The following DNAI1 variants were observed in gnomAD, a reference collection of about 807,000 sequenced individuals.
The protein encoded by DNAI1 is dynein axonemal intermediate chain 1.
DNAI1 carries 67 observed loss-of-function variants against 92.0 expected under a neutral mutation model. The observed-to-expected ratio is 0.73, with a 90% CI of 0.60 to 0.89. The LOEUF (loss-of-function observed/expected upper bound fraction) is 0.89. Among genes scored for constraint, DNAI1 ranks in the 40% least tolerant of loss-of-function variants. The probability of loss-of-function intolerance (pLI) is 0.00; values close to 1 mark genes in which losing one functional copy is unlikely to be tolerated. For missense variants in DNAI1, 839 were observed against 866.6 expected (o/e 0.97, Z 0.40); for synonymous variants, 323 against 319.6 (o/e 1.01, Z -0.11).
chr9:34,492,493 G>GAGAGATATATATATAT (rs1271867592), intron 8 of DNAI1, among the ~76,000 whole-genome samples: 17 of 68,256 alleles, frequency 2.5e-4, no homozygotes, highest in South Asian at 1.4e-3. Context: ...GGGATATGAA[G>GAGAGATATATATATAT]ATATATATAT....
rs1291629888 is a variant in DNAI1 at position 34,497,174 on chromosome 9, G to T, written c.876G>T (p.Gln292His). The change falls in exon 10 of 20, where the codon CAG (glutamine) becomes CAT (histidine). Residue 292 changes from glutamine (Q) to histidine (H), a missense_variant. Transcript: ENST00000242317. The part of the protein sequence containing the change: ...AAKIMERMVN[Q>H]NTYDDIAQDF... ...AGATCATGGAGCGGATGGTCAACCA[G>T]AATACATATGATGACATTGCTCAAG... 2 of 1,613,964 alleles carry T rather than the reference G, an allele frequency of 1.2e-6. No individual in the cohort carries two copies. Among genetic ancestry groups the T allele is most frequent in the Admixed American group, 1.7e-5 (1 of 60,030 alleles).
intron 1 of DNAI1, among the ~76,000 whole-genome samples, chr9:34,470,993 A>G (rs1824124922): frequency 6.6e-6 from 1 of 152,264 alleles, no homozygotes; most frequent in South Asian, 2.1e-4. Context: ...AAATTAAAGA[A>G]TACTTCTGAA....
In DNAI1 at chr9:34,459,126, C is replaced by T. The variant is rs549925663; in HGVS notation, c.48+73C>T. The T allele has an allele frequency of 2.6e-5, 35 of 1,364,528 alleles. No homozygotes were observed. In the East Asian group the frequency reaches 7.6e-4, roughly 29 times the overall value. The allele number at this position is 1,364,528 out of a possible 1,614,324, so 84.5% of individuals were successfully genotyped here. A position where few individuals can be genotyped will look rare whatever the true frequency, so the allele number is the denominator to read the frequency against. ...GCCAGTGACCACTAATCATACCTCTCCTACTGATCCTTGATCTTTTCTCTG... is the reference window on the plus strand; with the variant it reads ...GCCAGTGACCACTAATCATACCTCTTCTACTGATCCTTGATCTTTTCTCTG... On this transcript the variant is annotated intron_variant, in intron 1 of 19. Transcript: ENST00000242317.
chr9:34,514,189 T>G (rs754848187), intron 16 of DNAI1, among the ~76,000 whole-genome samples: 6 of 152,124 alleles, frequency 3.9e-5, no homozygotes, highest in Non-Finnish European at 7.4e-5. Flanking sequence ...CCCCTGCCCA[T>G]CCTGAACCCC....
At chr9:34,489,980 G>T in intron 5 of DNAI1, 32 bp from the exon 6 acceptor site, 1 of 1,612,284 alleles carries the variant, frequency 6.2e-7, no homozygotes, top group Non-Finnish European at 8.5e-7. Flanking sequence ...AGCAGGCTTA[G>T]ACTTTGAACT....
intron 7 of DNAI1, 91 bp downstream of exon 7, chr9:34,490,579 G>A: frequency 1.9e-6 from 3 of 1,567,550 alleles, no homozygotes; most frequent in Non-Finnish European, 2.6e-6. Context: ...GCAGACCTCA[G>A]CCTGGCAGGG....
chr9:34,506,631 CTT>C lies in DNAI1; in HGVS notation c.1069_1070del (p.Phe357HisfsTer20). 1 of 1,614,178 alleles carries C rather than the reference CTT, an allele frequency of 6.2e-7. No homozygotes were observed. The highest frequency in any genetic ancestry group is 8.5e-7 in the Non-Finnish European group (1 of 1,180,030). ...LFAVGYGSYD[F>X]MKQSRGMLLL... ...CCGCCCATCTTCCCTGGGTAGATGA[CTT>C]CATGAAGCAGAGCCGGGGCATGCTG... On this transcript the variant is annotated frameshift_variant, in exon 13 of 20. Transcript: ENST00000242317. LOFTEE classifies it high-confidence loss of function.
intron 10 of DNAI1, among the ~76,000 whole-genome samples, chr9:34,498,234 G>A (rs1044969901): frequency 6.6e-6 from 1 of 152,202 alleles, no homozygotes; most frequent in African/African-American, 2.4e-5. Context: ...CTGTGTGTCA[G>A]GCATTGTGCT....
At chr9:34,460,587 G>GTTGAAGTTCGGCTTTACA (rs1009170781) in intron 1 of DNAI1, among the ~76,000 whole-genome samples, 7 of 152,300 alleles carry the variant, frequency 4.6e-5, no homozygotes, top group African/African-American at 1.7e-4. Flanking sequence ...TGGGCTTTAC[G>GTTGAAGTTCGGCTTTACA]TTGAAGTTCA....
intron 13 of DNAI1, among the ~76,000 whole-genome samples, chr9:34,510,405 C>T (rs966910234): frequency 5.5e-4 from 84 of 152,126 alleles, no homozygotes; most frequent in African/African-American, 1.8e-3. Context: ...GAAGGATGTA[C>T]GAGCAAGAGA....
intron 4 of DNAI1, among the ~76,000 whole-genome samples, chr9:34,486,889 G>A (rs1357477427): frequency 6.6e-6 from 1 of 152,150 alleles, no homozygotes; most frequent in Non-Finnish European, 1.5e-5. Flanking sequence ...GTGGTCTTTT[G>A]TGACTGGCTC....
At chr9:34,498,311 A>C (rs1316244642) in intron 10 of DNAI1, among the ~76,000 whole-genome samples, 1 of 152,236 alleles carries the variant, frequency 6.6e-6, no homozygotes, top group East Asian at 1.9e-4. Flanking sequence ...TACCATTATT[A>C]TCTCCATTTT....
At chr9:34,467,076 TC>T (rs2132041157) in intron 1 of DNAI1, among the ~76,000 whole-genome samples, 1 of 152,304 alleles carries the variant, frequency 6.6e-6, no homozygotes, top group South Asian at 2.1e-4. Flanking sequence ...TTTGCTCAGC[TC>T]CTCCAGTGGA....
Position 34,486,200 on chromosome 9 carries a change from C to T in DNAI1, c.261+683C>T, listed in dbSNP as rs1274832865. Among the ~76,000 whole-genome samples, 10 of 152,144 alleles carry T rather than the reference C, an allele frequency of 6.6e-5. No homozygotes were observed. The South Asian group carries it at 1.0e-3, about 16-fold the overall frequency. ...GAAGGGGTGCATATGTTTCCTATTT[C>T]GTTATTCTGAGACCCATTTGTTCCA... On this transcript the variant is annotated intron_variant, in intron 4 of 19. Coordinates refer to ENST00000242317, the MANE Select transcript of DNAI1 (RefSeq NM_012144.4).
chr9:34,493,578 G>A (rs951245645), intron 9 of DNAI1, among the ~76,000 whole-genome samples: 1 of 151,616 alleles, frequency 6.6e-6, no homozygotes, highest in African/African-American at 2.4e-5. Context: ...GAGCTAGAGG[G>A]TAACAGAAGA....
intron 1 of DNAI1, among the ~76,000 whole-genome samples, chr9:34,470,614 G>C (rs1247574920): frequency 6.6e-6 from 1 of 152,132 alleles, no homozygotes; most frequent in Non-Finnish European, 1.5e-5. Flanking sequence ...CAAGATGTAA[G>C]CATCAAAAAA....
At position 34,509,913 on chromosome 9, in the gene DNAI1, AAAG is replaced by A. The variant is rs1434369920; in HGVS notation, c.1312-2193_1312-2191del. On this transcript the variant is annotated intron_variant, in intron 13 of 19. Coordinates refer to ENST00000242317, the MANE Select transcript of DNAI1 (RefSeq NM_012144.4). ...AGACTCCGTCTCAAAAAAAAAAAAA[AAAG>A]AAAAAAAAGAAAAACAGGTTTGGCC... Among the ~76,000 whole-genome samples the A allele has an allele frequency of 2.6e-3, 392 of 151,806 alleles. 2 individuals are homozygous for A. Among genetic ancestry groups the A allele is most frequent in the African/African-American group, 9.0e-3 (373 of 41,326 alleles).
intron 18 of DNAI1, among the ~76,000 whole-genome samples, chr9:34,516,744 C>CTTTTCT (rs60433524): frequency 0.33 from 44,115 of 134,664 alleles, 7,466 homozygotes; most frequent in African/African-American, 0.4. Flanking sequence ...CTTTTCTTTT[C>CTTTTCT]TTTTTTTTTT....
In DNAI1 at chr9:34,520,761, C is replaced by T. The variant is rs541572496; in HGVS notation, c.*5C>T. On this transcript the variant is annotated 3_prime_UTR_variant, in exon 20 of 20. Transcript: ENST00000242317. ...GAAGTGAAAATCAAGACCTGAGGGGCTGGCCTCAGTCTCTGTCCCATCGCT... is the reference window on the plus strand; with the variant it reads ...GAAGTGAAAATCAAGACCTGAGGGGTTGGCCTCAGTCTCTGTCCCATCGCT... 1.9e-6 allele frequency: 3 copies of T among 1,551,490 alleles called. No homozygotes were observed. The Admixed American group carries it at 5.9e-5, about 30-fold the overall frequency.
Sources: gnomAD v4.1 joint callset for allele counts (sites outside exome capture counted in the v4.1 genomes callset) on GRCh38, gnomAD v4.1.1 for gene constraint, MANE v1.5 for transcripts, NCBI Gene and HGNC (gene_info 2026-07-23, HGNC 2026-07-21) for gene names.